HAT1: variants seen among roughly 807,000 people sequenced by gnomAD.
HAT1 encodes histone acetyltransferase type B catalytic subunit.
In HAT1, 20 loss-of-function variants were observed where a neutral mutation model predicts 56.6. The ratio of observed to expected loss-of-function variants is 0.35; its 90% confidence interval spans 0.25 to 0.51. HAT1 has a LOEUF of 0.51. HAT1 is among the 20% of genes least tolerant of loss of function. The pLI is 0.95. For synonymous variants in HAT1, 146 were observed against 165.5 expected, an observed-to-expected ratio of 0.88 and a Z score of 0.91; for missense variants, 408 against 504.3, an observed-to-expected ratio of 0.81 and a Z score of 1.83.
intron 2 of HAT1, among the ~76,000 whole-genome samples, chr2:171,945,353 G>C (rs1437507588): frequency 6.6e-6 from 1 of 152,102 alleles, no homozygotes; most frequent in Non-Finnish European, 1.5e-5. Flanking sequence ...CGAGGGTACA[G>C]AGTATCCTTG....
intron 4 of HAT1, among the ~76,000 whole-genome samples, chr2:171,964,372 C>G (rs1355900675): frequency 6.6e-6 from 1 of 152,090 alleles, no homozygotes; most frequent in Non-Finnish European, 1.5e-5. Flanking sequence ...GCTGAACTCA[C>G]GGCAAACTCC....
chr2:171,968,267 T>C (rs528165555), intron 8 of HAT1, among the ~76,000 whole-genome samples: 4 of 152,288 alleles, frequency 2.6e-5, no homozygotes, highest in Admixed American at 6.5e-5. Context: ...ATACAGACTA[T>C]GTCACTTCTT....
chr2:171,961,095 T>A (rs1469800031), intron 4 of HAT1, among the ~76,000 whole-genome samples: 1 of 152,126 alleles, frequency 6.6e-6, no homozygotes, highest in Admixed American at 6.6e-5. Context: ...GAAGCCGAGT[T>A]CGCGCCACTG....
intron 2 of HAT1, 24 bp from the exon 3 acceptor site, chr2:171,946,684 C>G (rs1422552184): frequency 1.8e-5 from 24 of 1,371,224 alleles, no homozygotes; most frequent in Non-Finnish European, 2.4e-5. Context: ...TTTAATATCT[C>G]TATTTTTTTG....
chr2:171,976,402 T>C (rs1687968489), intron 9 of HAT1, 94 bp downstream of exon 9: 1 of 612,148 alleles, frequency 1.6e-6, no homozygotes, highest in East Asian at 3.5e-5. Context: ...ACATTAAGAA[T>C]ACATGTGTGG....
chr2:171,966,618 C>G, intron 7 of HAT1, 105 bp downstream of exon 7: 1 of 694,280 alleles, frequency 1.4e-6, no homozygotes, highest in South Asian at 1.6e-5. Context: ...AAAAAAAAAT[C>G]ACTATTATTC....
chr2:171,940,763 G>A (rs1687000479), intron 2 of HAT1, among the ~76,000 whole-genome samples: 1 of 152,172 alleles, frequency 6.6e-6, no homozygotes, highest in African/African-American at 2.4e-5. Flanking sequence ...ACTATACACA[G>A]AGGGCTTGGA....
At chr2:171,950,192 G>A (rs1037002817) in intron 3 of HAT1, among the ~76,000 whole-genome samples, 3 of 151,976 alleles carry the variant, frequency 2.0e-5, no homozygotes, top group Non-Finnish European at 2.9e-5. Flanking sequence ...TTTTTGAGAC[G>A]GAGTCTTGCT....
chr2:171,962,486 C>G (rs1687597740), intron 4 of HAT1, among the ~76,000 whole-genome samples: 1 of 152,192 alleles, frequency 6.6e-6, no homozygotes, highest in Non-Finnish European at 1.5e-5. Context: ...CCTCCGCCTC[C>G]CAAGTTCAAG....
chr2:171,963,469 T>C (rs1182605528), intron 4 of HAT1, among the ~76,000 whole-genome samples: 1 of 152,124 alleles, frequency 6.6e-6, no homozygotes, highest in East Asian at 1.9e-4. Context: ...TGAAGTAGAT[T>C]TGATACAAGA....
In HAT1 at chr2:171,952,921, T is replaced by C. The variant is rs1390755540; in HGVS notation, c.229T>C (p.Tyr77His). The change falls in exon 4 of 11, where the codon TAC becomes CAC. Residue 77 changes from tyrosine (Y) to histidine (H), a missense_variant. By Grantham distance (83) the Tyr-to-His change is moderately conservative (BLOSUM62 2). Coordinates refer to ENST00000264108, the MANE Select transcript of HAT1 (RefSeq NM_003642.4). ...TTACAAGGGTCTAAAGATCCTGTTA[T>C]ACTATATTGCTGGTAGCCTGTCAAC... is the stretch of plus-strand genomic sequence containing the variant. ...FGYKGLKILL[Y>H]YIAGSLSTMF... is the part of the protein sequence containing the mutation. 4 of 1,591,928 alleles carry C rather than the reference T, an allele frequency of 2.5e-6. No individual in the cohort carries two copies. Among genetic ancestry groups the C allele is most frequent in the Non-Finnish European group, 3.4e-6 (4 of 1,160,866 alleles).
At chr2:171,929,046 C>A (rs1476364670) in intron 2 of HAT1, among the ~76,000 whole-genome samples, 2 of 152,158 alleles carry the variant, frequency 1.3e-5, no homozygotes, top group Non-Finnish European at 2.9e-5. Flanking sequence ...TTTATACTCA[C>A]ATCAACAGTG....
At chr2:171,946,653 C>T (rs1031730435) in intron 2 of HAT1, 55 bp from the exon 3 acceptor site, 1 of 991,482 alleles carries the variant, frequency 1.0e-6, no homozygotes, top group Non-Finnish European at 1.6e-6. Flanking sequence ...ATACCTGTCA[C>T]CTTCAATATC....
In HAT1 at chr2:171,979,266, A is replaced by T; in HGVS notation, c.995A>T (p.Tyr332Phe). ...TTCTAGCAACACGCTAGAAGGGTTT[A>T]TGAAATTCTTCGACTACTGGTAACT... is the stretch of plus-strand genomic sequence containing the variant. Reference protein sequence around the residue: ...KINKQHARRVYEILRLLVTDM... With the variant: ...KINKQHARRVFEILRLLVTDM... Residue 332 changes from tyrosine to phenylalanine, a missense_variant, in exon 10 of 11, where the codon TAT becomes TTT. Coordinates refer to ENST00000264108, the MANE Select transcript of HAT1 (RefSeq NM_003642.4). 6.4e-7 allele frequency: 1 copy of T among 1,571,072 alleles called. No homozygotes were observed. Among genetic ancestry groups the T allele is most frequent in the Non-Finnish European group, 8.7e-7 (1 of 1,152,752 alleles).
rs534919587 is a variant in HAT1, at chr2:171,965,933, T to C, written c.611+25T>C. On this transcript the variant is annotated intron_variant, in intron 6 of 10. Transcript: ENST00000264108. ...TGTAAGTACAGTTCTAAAGCAACAGTAGACCTTATTACCTCCACAAAGCCA... is the reference window on the plus strand; with the variant it reads ...TGTAAGTACAGTTCTAAAGCAACAGCAGACCTTATTACCTCCACAAAGCCA... 8 of 1,595,722 alleles carry C rather than the reference T, an allele frequency of 5.0e-6. No individual in the cohort carries two copies. The South Asian group carries it at 7.8e-5, about 16-fold the overall frequency.
At chr2:171,938,026 C>CTCAG (rs1686915240) in intron 2 of HAT1, among the ~76,000 whole-genome samples, 1 of 44,528 alleles carries the variant, frequency 2.2e-5, no homozygotes, top group African/African-American at 7.3e-5. Flanking sequence ...TCTACTGATT[C>CTCAG]TCTCTCTCTC....
chr2:171,931,111 G>A (rs1423060754), intron 2 of HAT1, among the ~76,000 whole-genome samples: 6 of 152,124 alleles, frequency 3.9e-5, no homozygotes, highest in Non-Finnish European at 7.4e-5. Context: ...CCATAGTGTG[G>A]CTGGGCATGG....
At chr2:171,951,011 G>C (rs953271751) in intron 3 of HAT1, among the ~76,000 whole-genome samples, 1 of 148,884 alleles carries the variant, frequency 6.7e-6, no homozygotes, top group Non-Finnish European at 1.5e-5. Context: ...GGGTTTTGCC[G>C]TGTTGGCCAG....
chr2:171,944,670 T>C (rs1004971725), intron 2 of HAT1, among the ~76,000 whole-genome samples: 4 of 152,196 alleles, frequency 2.6e-5, no homozygotes, highest in African/African-American at 9.6e-5. Context: ...CATATTGCAT[T>C]GAATCAGGAG....
Sources: allele counts gnomAD v4.1 joint callset (sites outside exome capture counted in the v4.1 genomes callset), GRCh38; gene constraint gnomAD v4.1.1; transcripts MANE v1.5; gene names NCBI Gene and HGNC (gene_info 2026-07-23, HGNC 2026-07-21).